Variants in PLAC1 observed in about 807,000 individuals in gnomAD.
The protein encoded by PLAC1 is placenta-specific protein 1.
For synonymous variants in PLAC1, 68 were observed against 62.1 expected, an observed-to-expected ratio of 1.09 and a Z score of -0.44; for missense variants, 136 against 163.2, an observed-to-expected ratio of 0.83 and a Z score of 0.91.
chrX:134,704,698 A>AAT (rs1363434199), intron 2 of PLAC1, among the ~76,000 whole-genome samples: 1 of 103,949 alleles, frequency 9.6e-6, no homozygotes, highest in Non-Finnish European at 1.9e-5. Context: ...AACATATTAA[A>AAT]ATATATATAT....
intron 2 of PLAC1, among the ~76,000 whole-genome samples, chrX:134,730,571 A>G (rs1174818111): frequency 1.8e-5 from 2 of 110,983 alleles, no homozygotes; most frequent in Non-Finnish European, 3.8e-5. Context: ...CAGCCTCCCA[A>G]GTAGCTAGGA....
At chrX:134,657,109 A>C (rs2078395481) in intron 1 of PLAC1, among the ~76,000 whole-genome samples, 1 of 111,485 alleles carries the variant, frequency 9.0e-6, no homozygotes, top group Non-Finnish European at 1.9e-5. Context: ...ATTGTCTCTA[A>C]CTCCAGTGAG....
chrX:134,595,703 C>G (rs1281043540), intron 2 of PLAC1, among the ~76,000 whole-genome samples: 5 of 108,002 alleles, frequency 4.6e-5, no homozygotes, highest in Non-Finnish European at 3.8e-5. Context: ...TTGACTAATG[C>G]TTGTATGATA....
At chrX:134,707,872 G>A (rs1317558863) in intron 2 of PLAC1, among the ~76,000 whole-genome samples, 5 of 111,811 alleles carry the variant, frequency 4.5e-5, no homozygotes, top group Non-Finnish European at 9.4e-5. Context: ...AAGGAATAAA[G>A]TTGCTATACT....
chrX:134,708,178 G>A (rs781618417), intron 2 of PLAC1, among the ~76,000 whole-genome samples: 44 of 111,806 alleles, frequency 3.9e-4, no homozygotes, highest in African/African-American at 1.4e-3. Context: ...CAGGAAAGAA[G>A]AGAACTGCCA....
At chrX:134,617,952 G>A (rs912351035) in intron 1 of PLAC1, among the ~76,000 whole-genome samples, 1 of 112,051 alleles carries the variant, frequency 8.9e-6, no homozygotes, top group Non-Finnish European at 1.9e-5. Context: ...CACCTGCTCT[G>A]CTTACCTCAT....
chrX:134,711,767 C>A (rs2078628776), intron 2 of PLAC1, among the ~76,000 whole-genome samples: 1 of 111,056 alleles, frequency 9.0e-6, no homozygotes, highest in Non-Finnish European at 1.9e-5. Context: ...TGGGATGGTG[C>A]TTTTTCAATC....
At position 134,763,867 on chromosome X, in the gene PLAC1, G is replaced by A. The variant is rs946236482; in HGVS notation, n.89+367C>T. On this transcript the variant is annotated intron_variant and non_coding_transcript_variant, in intron 1 of 2. Transcript: ENST00000466797. Reference sequence around the variant, plus strand: ...AAGAAAGAAAGAAAGAAAGAGAAAAGAAAAGGGAAAGGAAAAGCGCAGAAT... The same window carrying A: ...AAGAAAGAAAGAAAGAAAGAGAAAAAAAAAGGGAAAGGAAAAGCGCAGAAT... Among the ~76,000 whole-genome samples, 11 of 106,106 alleles carry A rather than the reference G, an allele frequency of 1.0e-4. No homozygotes were observed. The East Asian group carries it at 2.9e-3, about 28-fold the overall frequency. 92.1% of individuals were successfully genotyped at this position (106,106 alleles called of 115,157 possible).
intron 2 of PLAC1, among the ~76,000 whole-genome samples, chrX:134,695,275 T>C (rs1442924083): frequency 8.9e-6 from 1 of 112,507 alleles, no homozygotes; most frequent in Non-Finnish European, 1.9e-5. Flanking sequence ...ATGCTTATTT[T>C]GGATGCCTTT....
rs73566671 is a variant in PLAC1, at chrX:134,668,849, C to T, written n.174+64586G>A. 8.3e-3 allele frequency among the ~76,000 whole-genome samples: 932 copies of T among 112,813 alleles called. 15 individuals are homozygous for T. Among genetic ancestry groups the T allele is most frequent in the African/African-American group, 0.028 (868 of 31,094 alleles). ...CAAAGAGGAGCCAAGCCCTCTCCCA[C>T]CCTACCCACCTCCCCCAGTGAGCAA... On this transcript the variant is annotated intron_variant and non_coding_transcript_variant, in intron 2 of 2. Coordinates refer to the PLAC1 transcript ENST00000466797.
At chrX:134,627,002 A>C (rs1021124783) in intron 1 of PLAC1, among the ~76,000 whole-genome samples, 11 of 110,411 alleles carry the variant, frequency 1.0e-4, no homozygotes, top group South Asian at 4.0e-4. Flanking sequence ...TGATCACACC[A>C]CTGCACTCCA....
intron 2 of PLAC1, among the ~76,000 whole-genome samples, chrX:134,681,098 A>G (rs2078494371): frequency 9.0e-6 from 1 of 111,442 alleles, no homozygotes; most frequent in African/African-American, 3.3e-5. Context: ...CTGTCTTCTC[A>G]GGGCCTAAAA....
chrX:134,693,611 G>A (rs2078551751), intron 2 of PLAC1, among the ~76,000 whole-genome samples: 1 of 111,710 alleles, frequency 9.0e-6, no homozygotes, highest in Non-Finnish European at 1.9e-5. Flanking sequence ...GTCTTGTTAC[G>A]TGGGTATGGA....
intron 1 of PLAC1, among the ~76,000 whole-genome samples, chrX:134,751,853 A>C (rs2078745689): frequency 8.9e-6 from 1 of 112,226 alleles, no homozygotes; most frequent in Non-Finnish European, 1.9e-5. Context: ...TCAGTTTCAC[A>C]ACTCAAGCTG....
intron 2 of PLAC1, among the ~76,000 whole-genome samples, chrX:134,700,626 T>C (rs1319308897): frequency 1.8e-5 from 2 of 111,862 alleles, no homozygotes; most frequent in Non-Finnish European, 3.8e-5. Flanking sequence ...CAAAAATCAG[T>C]AGCATTTCTA....
intron 2 of PLAC1, among the ~76,000 whole-genome samples, chrX:134,684,012 G>A (rs1473445165): frequency 8.9e-6 from 1 of 112,003 alleles, no homozygotes; most frequent in African/African-American, 3.2e-5. Flanking sequence ...CAGAAAGAGA[G>A]GGGGTGATCT....
intron 1 of PLAC1, among the ~76,000 whole-genome samples, chrX:134,633,725 C>A (rs1316868242): frequency 1.8e-5 from 2 of 111,936 alleles, no homozygotes; most frequent in Non-Finnish European, 3.8e-5. Context: ...GGGGTCAAAT[C>A]CTGTACTCCA....
At chrX:134,747,321 T>C (rs1196746459) in intron 1 of PLAC1, among the ~76,000 whole-genome samples, 1 of 109,410 alleles carries the variant, frequency 9.1e-6, no homozygotes, top group African/African-American at 3.3e-5. Flanking sequence ...CAAAAGTTTG[T>C]GTGGCAGCTT....
At chrX:134,581,253 C>A (rs1461486531) in intron 2 of PLAC1, among the ~76,000 whole-genome samples, 1 of 111,027 alleles carries the variant, frequency 9.0e-6, no homozygotes, top group Non-Finnish European at 1.9e-5. Flanking sequence ...ATGTTGGAAA[C>A]AACCAGAGCT....
Sources: allele counts gnomAD v4.1 joint callset (sites outside exome capture counted in the v4.1 genomes callset), GRCh38; gene constraint gnomAD v4.1.1; transcripts MANE v1.5; gene names NCBI Gene and HGNC (gene_info 2026-07-23, HGNC 2026-07-21).